CCDC91: variants seen among roughly 807,000 people sequenced by gnomAD.
The protein encoded by CCDC91 is coiled-coil domain-containing protein 91.
Under a neutral mutation model 63.2 loss-of-function variants are expected in CCDC91, and 48 were observed. That is an observed-to-expected ratio of 0.76 (90% CI 0.60 to 0.97). The LOEUF (loss-of-function observed/expected upper bound fraction) is 0.97. Ranked by LOEUF, CCDC91 falls within the 50% of genes least tolerant of loss-of-function variation. The pLI, the probability that CCDC91 is intolerant of heterozygous loss-of-function variation, is 0.00. For synonymous variants in CCDC91, 167 were observed against 165.8 expected (o/e 1.01, Z -0.06); for missense variants, 500 against 494.6 (o/e 1.01, Z -0.10).
intron 8 of CCDC91, among the ~76,000 whole-genome samples, chr12:28,447,700 A>G (rs1383724248): frequency 3.7e-5 from 5 of 133,818 alleles, no homozygotes; most frequent in African/African-American, 1.4e-4. Flanking sequence ...AGGAATGAAT[A>G]AAGAAGAATG....
In CCDC91 at chr12:28,198,589, A is replaced by G. The variant is rs566214009; in HGVS notation, c.-15+7948A>G. On this transcript the variant is annotated intron_variant, in intron 1 of 12. Transcript: ENST00000536442. ...AAGTGGCAATGAATACCTATTTTCC[A>G]TTTTGCTGAATGAGAAGAATGTTTA... Among the ~76,000 whole-genome samples the G allele has an allele frequency of 9.8e-5, 15 of 152,302 alleles. No homozygotes were observed. The East Asian group carries it at 2.9e-3, about 29-fold the overall frequency.
intron 3 of CCDC91, among the ~76,000 whole-genome samples, chr12:28,277,952 T>G (rs1471739793): frequency 6.6e-6 from 1 of 152,040 alleles, no homozygotes; most frequent in Non-Finnish European, 1.5e-5. Flanking sequence ...TGAAAATTAC[T>G]TTGTACCTCC....
At chr12:28,464,999 A>G (rs1195984195) in intron 11 of CCDC91, among the ~76,000 whole-genome samples, 1 of 152,120 alleles carries the variant, frequency 6.6e-6, no homozygotes, top group African/African-American at 2.4e-5. Context: ...AGCATATGCT[A>G]CAAGCTAATG....
chr12:28,393,014 A>T (rs1357286987), intron 8 of CCDC91, among the ~76,000 whole-genome samples: 3 of 152,136 alleles, frequency 2.0e-5, no homozygotes, highest in African/African-American at 7.2e-5. Context: ...TTAAAATCTC[A>T]CTGGATAGAT....
chr12:28,329,347 T>A (rs1941294897), intron 6 of CCDC91, among the ~76,000 whole-genome samples: 1 of 152,190 alleles, frequency 6.6e-6, no homozygotes, highest in Non-Finnish European at 1.5e-5. Context: ...CCCACCAAAT[T>A]CTTCCTTTTG....
At chr12:28,450,831 CACTT>C (rs1228603194) in intron 10 of CCDC91, among the ~76,000 whole-genome samples, 2 of 151,652 alleles carry the variant, frequency 1.3e-5, no homozygotes, top group Non-Finnish European at 3.0e-5. Context: ...ACACTTTTAA[CACTT>C]ACTTTTGAGT....
intron 1 of CCDC91, chr12:28,256,986 T>C (rs1946497929): frequency 6.7e-6 from 3 of 448,024 alleles, no homozygotes; most frequent in Non-Finnish European, 1.2e-5. Context: ...CATCTCAACA[T>C]AAAATGGCAA....
At chr12:28,227,607 T>A (rs1165967542) in intron 1 of CCDC91, among the ~76,000 whole-genome samples, 2 of 152,082 alleles carry the variant, frequency 1.3e-5, no homozygotes, top group African/African-American at 4.8e-5. Context: ...CCAAACTTGC[T>A]TTTTCTTCCC....
chr12:28,432,329 C>G (rs1239850420), intron 8 of CCDC91, among the ~76,000 whole-genome samples: 1 of 152,042 alleles, frequency 6.6e-6, no homozygotes. Flanking sequence ...AGGGAGGGAC[C>G]TGATCACCTC....
intron 3 of CCDC91, among the ~76,000 whole-genome samples, chr12:28,278,399 T>G (rs1948386232): frequency 6.6e-6 from 1 of 152,088 alleles, no homozygotes; most frequent in Non-Finnish European, 1.5e-5. Flanking sequence ...TCCAGATTTA[T>G]GCCATCATTC....
chr12:28,484,536 G>A (rs996827693), intron 12 of CCDC91, among the ~76,000 whole-genome samples: 4 of 152,074 alleles, frequency 2.6e-5, no homozygotes, highest in African/African-American at 4.8e-5. Context: ...CTTTCTGACT[G>A]TATTAACACC....
At chr12:28,256,413 T>A (rs939688179) in intron 1 of CCDC91, among the ~76,000 whole-genome samples, 6 of 152,082 alleles carry the variant, frequency 3.9e-5, no homozygotes, top group Non-Finnish European at 8.8e-5. Flanking sequence ...CATGGTTTGT[T>A]TGATAAAGCT....
chr12:28,301,014 A>G (rs1938016651), intron 3 of CCDC91, among the ~76,000 whole-genome samples: 1 of 151,700 alleles, frequency 6.6e-6, no homozygotes, highest in Non-Finnish European at 1.5e-5. Flanking sequence ...TTCTCATGAT[A>G]GAAACATGAA....
intron 12 of CCDC91, among the ~76,000 whole-genome samples, chr12:28,497,625 C>G (rs1041186807): frequency 1.3e-5 from 2 of 151,500 alleles, no homozygotes; most frequent in Non-Finnish European, 3.0e-5. Context: ...AGCTGTATAT[C>G]CAGCAGCGTA....
chr12:28,546,215 A>G (rs950937242), intron 12 of CCDC91, among the ~76,000 whole-genome samples: 1 of 152,070 alleles, frequency 6.6e-6, no homozygotes, highest in African/African-American at 2.4e-5. Flanking sequence ...TTGCCTACTT[A>G]TATGTCTCAA....
At chr12:28,516,526 C>T (rs1467403674) in intron 12 of CCDC91, among the ~76,000 whole-genome samples, 6 of 151,878 alleles carry the variant, frequency 4.0e-5, no homozygotes, top group African/African-American at 1.5e-4. Flanking sequence ...TTGCTTGAGC[C>T]CTGAGAGTCA....
chr12:28,247,640 G>A (rs568075857), intron 1 of CCDC91, among the ~76,000 whole-genome samples: 51 of 152,286 alleles, frequency 3.3e-4, no homozygotes, highest in African/African-American at 1.2e-3. Context: ...TTTGGAGTTT[G>A]ATGCTATAAA....
intron 3 of CCDC91, chr12:28,268,827 T>C (rs12812272): frequency 0.011 from 2,036 of 179,526 alleles, 19 homozygotes; most frequent in Non-Finnish European, 0.017. Context: ...ACCTCAAGTG[T>C]CTGGTATGGA....
intron 3 of CCDC91, among the ~76,000 whole-genome samples, chr12:28,281,701 T>G (rs1399453536): frequency 1.3e-5 from 2 of 152,176 alleles, no homozygotes; most frequent in Admixed American, 6.6e-5. Context: ...TAGTCTGCCA[T>G]TAGCAACAGT....
Sources: gnomAD v4.1 joint callset for allele counts (sites outside exome capture counted in the v4.1 genomes callset) on GRCh38, gnomAD v4.1.1 for gene constraint, MANE v1.5 for transcripts, NCBI Gene and HGNC (gene_info 2026-07-23, HGNC 2026-07-21) for gene names.